The following FAM47A variants were observed in gnomAD, a reference collection of about 807,000 sequenced individuals.
FAM47A encodes protein FAM47A.
Under a neutral mutation model 2.6 loss-of-function variants are expected in FAM47A, and 1 was observed. That is an observed-to-expected ratio of 0.39 (90% confidence interval 0.14 to 1.83). The LOEUF is 1.83. Ranked by LOEUF, FAM47A falls within the 40% of genes most tolerant of loss-of-function variation. The pLI, the probability that FAM47A is intolerant of heterozygous loss-of-function variation, is 0.32. For missense variants in FAM47A, 657 were observed against 673.1 expected (o/e 0.98, Z 0.26); for synonymous variants, 278 against 270.1 (o/e 1.03, Z -0.29).
In FAM47A at chrX:34,132,270, G is replaced by T. The variant is rs1226888172; in HGVS notation, c.9C>A (p.Asp3Glu). The T allele has an allele frequency of 5.2e-6, 6 of 1,163,123 alleles. No individual in the cohort carries two copies. The highest frequency in any genetic ancestry group is 1.8e-5 in the African/African-American group (1 of 55,874). The change falls in exon 1 of 1, where the codon GAC (aspartate) becomes GAA (glutamate). Residue 3 changes from aspartate (D) to glutamate (E), a missense_variant. Around this residue, in one of 3 missense-constraint regions of FAM47A, gnomAD observed 436 missense variants for 414.1 expected, o/e 1.05. Transcript: ENST00000346193. MG[D>E]QRLQDWLRSP... is the part of the protein sequence containing the mutation. ...ACCTCAGCCAGTCCTGCAGCCTCTGGTCCCCCATGGTGGCCCTCGCTGTGG... is the reference window on the plus strand; with the variant it reads ...ACCTCAGCCAGTCCTGCAGCCTCTGTTCCCCCATGGTGGCCCTCGCTGTGG...
At position 34,131,124 on chromosome X, in the gene FAM47A, G is replaced by A. The variant is rs1922453145; in HGVS notation, c.1155C>T (p.Ser385=). ...LHAEPSKTGV[S]HLSPEPPKTE... The stretch of plus-strand genomic sequence containing the variant: ...TCTTGGGAGGCTCCGGGCTGAGATG[G>A]GACACTCCAGTCTTGGAAGGCTCCG... Residue 385 remains serine (S), a synonymous_variant, in exon 1 of 1, where the codon TCC becomes TCT. Coordinates refer to ENST00000346193, the MANE Select transcript of FAM47A (RefSeq NM_203408.4). The A allele has an allele frequency of 8.4e-7, 1 of 1,197,328 alleles. No individual in the cohort carries two copies. The highest frequency in any genetic ancestry group is 1.1e-6 in the Non-Finnish European group (1 of 888,823).
In FAM47A at chrX:34,130,968, C is replaced by G. The variant is rs369297677; in HGVS notation, c.1311G>C (p.Thr437=). The G allele has an allele frequency of 8.3e-7, 1 of 1,202,601 alleles. No individual in the cohort carries two copies. The highest frequency in any genetic ancestry group is 2.2e-5 in the Admixed American group (1 of 45,366). The change falls in exon 1 of 1, where the codon ACG becomes ACC. Residue 437 remains threonine (T), a synonymous_variant. Coordinates refer to ENST00000346193, the MANE Select transcript of FAM47A (RefSeq NM_203408.4). The part of the protein sequence containing the change: ...YILKVLDSGR[T]LKDVWDRCEA... ...CACAACGATCCCATACGTCCTTCAG[C>G]GTCCTCCCAGAATCCAGCACTTTCA... is the stretch of plus-strand genomic sequence containing the variant.
chrX:34,131,537 G>A lies in FAM47A; in HGVS notation c.742C>T (p.Arg248Cys), dbSNP rs1435553467. The A allele has an allele frequency of 2.5e-5, 30 of 1,206,724 alleles. No individual in the cohort carries two copies. Among genetic ancestry groups the A allele is most frequent in the Non-Finnish European group, 3.2e-5 (29 of 894,053 alleles). Residue 248 changes from arginine to cysteine, a missense_variant, in exon 1 of 1, where the codon CGC becomes TGC. Transcript: ENST00000346193. The stretch of plus-strand genomic sequence containing the variant: ...CGACGAGTGATGGGAGGCCCCGGGC[G>A]GATATGGGACACTCCAGTCTCTGGA... ...EPPETGVSHI[R>C]PGPPITRRRS...
chrX:34,129,845 G>A lies in FAM47A; in HGVS notation c.*58C>T, dbSNP rs1243191396. On this transcript the variant is annotated 3_prime_UTR_variant, in exon 1 of 1. Transcript: ENST00000346193. Reference sequence around the variant, plus strand: ...CACGGGGCCAGTCATCATAAATTATGATTGATGATTAAAATGAGAGCAAGA... The same window carrying A: ...CACGGGGCCAGTCATCATAAATTATAATTGATGATTAAAATGAGAGCAAGA... 47 of 1,058,619 alleles carry A rather than the reference G, an allele frequency of 4.4e-5. No homozygotes were observed. Among genetic ancestry groups the A allele is most frequent in the Non-Finnish European group, 5.8e-5 (46 of 793,641 alleles). The allele number at this position is 1,058,619 out of a possible 1,213,427, so 87.2% of individuals were successfully genotyped here. A position where few individuals can be genotyped will look rare whatever the true frequency, so the allele number is the denominator to read the frequency against.
rs756872549 is a variant in FAM47A, at chrX:34,131,814, A to G, written c.465T>C (p.Pro155=). The G allele has an allele frequency of 5.8e-6, 7 of 1,209,204 alleles. No homozygotes were observed. In the South Asian group the frequency reaches 8.8e-5, roughly 15 times the overall value. Residue 155 remains proline, a synonymous_variant, in exon 1 of 1, where the codon CCT becomes CCC. Coordinates refer to ENST00000346193, the MANE Select transcript of FAM47A (RefSeq NM_203408.4). ...LLLQVLKHLD[P]ERELEDAWAC... ...CCCAAGCGTCCTCCAGCTCCCTCTC[A>G]GGATCCAGGTGTTTCAGCACCTGTA... is the stretch of plus-strand genomic sequence containing the variant.
Position 34,130,110 on chromosome X carries a change from C to T in FAM47A, c.2169G>A (p.Lys723=), listed in dbSNP as rs1922404995. 9 of 1,210,544 alleles carry T rather than the reference C, an allele frequency of 7.4e-6. No homozygotes were observed. Among genetic ancestry groups the T allele is most frequent in the Non-Finnish European group, 1.0e-5 (9 of 895,045 alleles). ...PLIDPKLLLK[K]PDEPDVLDDL... The stretch of plus-strand genomic sequence containing the variant: ...CGTCAAGAACGTCAGGTTCATCAGG[C>T]TTTTTAAGTAAGAGCTTGGGGTCAA... Residue 723 remains lysine, a synonymous_variant, in exon 1 of 1, where the codon AAG becomes AAA. Transcript: ENST00000346193.
At position 34,130,799 on chromosome X, in the gene FAM47A, G is replaced by T. The variant is rs199697423; in HGVS notation, c.1480C>A (p.Gln494Lys). The change falls in exon 1 of 1, where the codon CAG becomes AAG. Residue 494 changes from glutamine to lysine, a missense_variant. Around this residue, in one of 3 missense-constraint regions of FAM47A, gnomAD observed 23 missense variants for 55.6 expected, o/e 0.41. Coordinates refer to ENST00000346193, the MANE Select transcript of FAM47A (RefSeq NM_203408.4). The part of the protein sequence containing the change: ...KTRRRSSLHS[Q>K]PPKTRRTSSL... ...GACGTCCGACGAGTCTTGGGAGGCT[G>T]CGAGTGGAGACTGGACCTCCGACGT... 1 of 1,180,184 alleles carries T rather than the reference G, an allele frequency of 8.5e-7. No individual in the cohort carries two copies. The highest frequency in any genetic ancestry group is 1.9e-5 in the African/African-American group (1 of 53,993).
rs765468759 is a variant in FAM47A, at chrX:34,131,283, A to G, written c.996T>C (p.Thr332=). 8.3e-7 allele frequency: 1 copy of G among 1,210,680 alleles called. No homozygotes were observed. The highest frequency in any genetic ancestry group is 1.1e-6 in the Non-Finnish European group (1 of 895,213). Reference sequence around the variant, plus strand: ...GCTCTAGGCGGAGATGGGACTCTCCAGTCTCCGGAGGCTCCGGGCGGAGAC... The same window carrying G: ...GCTCTAGGCGGAGATGGGACTCTCCGGTCTCCGGAGGCTCCGGGCGGAGAC... ...VSSLRPEPPE[T]GESHLRLEHS... The change falls in exon 1 of 1, where the codon ACT becomes ACC. Residue 332 remains threonine (T), a synonymous_variant. Transcript: ENST00000346193.
In FAM47A at chrX:34,130,230, C is replaced by T; in HGVS notation, c.2049G>A (p.Ser683=). The T allele has an allele frequency of 1.7e-6, 2 of 1,211,217 alleles. No homozygotes were observed. Among genetic ancestry groups the T allele is most frequent in the Non-Finnish European group, 2.2e-6 (2 of 895,275 alleles). ...KYWGRKFHTP[S]NSYTAQRVKM... ...TCACACGCTGTGCGGTATAAGAATT[C>T]GATGGCGTGTGGAATTTCCTGCCCC... Residue 683 remains serine, a synonymous_variant, in exon 1 of 1, where the codon TCG becomes TCA. Coordinates refer to ENST00000346193, the MANE Select transcript of FAM47A (RefSeq NM_203408.4).
rs767658475 is a variant in FAM47A at position 34,131,401 on chromosome X, G to A, written c.878C>T (p.Pro293Leu). The change falls in exon 1 of 1, where the codon CCT becomes CTT. Residue 293 changes from proline to leucine, a missense_variant. Around this residue, in one of 3 missense-constraint regions of FAM47A, gnomAD observed 436 missense variants for 414.1 expected, o/e 1.05. Transcript: ENST00000346193. ...GAATTTCCCACAAGGGTATTTACCA[G>A]GCTCTGTGGGTTCGTCAGTTGTCTT... ...REKTTDEPTE[P>L]GKYPCGKFCP... 3 of 1,207,126 alleles carry A rather than the reference G, an allele frequency of 2.5e-6. No individual in the cohort carries two copies. In the African/African-American group the frequency reaches 5.3e-5, roughly 21 times the overall value.
chrX:34,131,146 T>C lies in FAM47A; in HGVS notation c.1133A>G (p.Glu378Gly). The change falls in exon 1 of 1, where the codon GAG becomes GGG. Residue 378 changes from glutamate to glycine, a missense_variant. Transcript: ENST00000346193. Reference protein sequence around the residue: ...KTRRGSSLHAEPSKTGVSHLS... With the variant: ...KTRRGSSLHAGPSKTGVSHLS... ...ATGGGACACTCCAGTCTTGGAAGGC[T>C]CCGCGTGGAGACTGGACCCCCGACG... 1 of 1,195,799 alleles carries C rather than the reference T, an allele frequency of 8.4e-7. No homozygotes were observed. Among genetic ancestry groups the C allele is most frequent in the Non-Finnish European group, 1.1e-6 (1 of 887,809 alleles).
rs1459694459 is a variant in FAM47A at position 34,129,752 on chromosome X, G to A, written c.*151C>T. The A allele has an allele frequency of 2.3e-6, 1 of 427,368 alleles. No individual in the cohort carries two copies. The highest frequency in any genetic ancestry group is 3.9e-6 in the Non-Finnish European group (1 of 255,344). 35.2% of individuals were successfully genotyped at this position (427,368 alleles called of 1,213,427 possible). A position where few individuals can be genotyped will look rare whatever the true frequency, so the allele number is the denominator to read the frequency against. ...AAATATATGAAATAATGAAGCCAAA[G>A]CAGTTCATTAAGAAATATTGATAAA... On this transcript the variant is annotated 3_prime_UTR_variant, in exon 1 of 1. Coordinates refer to ENST00000346193, the MANE Select transcript of FAM47A (RefSeq NM_203408.4).
At position 34,131,424 on chromosome X, in the gene FAM47A, C is replaced by T. The variant is rs778710031; in HGVS notation, c.855G>A (p.Lys285=). The T allele has an allele frequency of 2.5e-6, 3 of 1,210,157 alleles. No individual in the cohort carries two copies. In the African/African-American group the frequency reaches 5.2e-5, roughly 21 times the overall value. The change falls in exon 1 of 1, where the codon AAG becomes AAA. Residue 285 remains lysine, a synonymous_variant. Coordinates refer to ENST00000346193, the MANE Select transcript of FAM47A (RefSeq NM_203408.4). ...DARAPCEGRE[K]TTDEPTEPGK... ...CAGGCTCTGTGGGTTCGTCAGTTGTCTTCTCCCGGCCCTCACAAGGAGCCC... is the reference window on the plus strand; with the variant it reads ...CAGGCTCTGTGGGTTCGTCAGTTGTTTTCTCCCGGCCCTCACAAGGAGCCC...
In FAM47A at chrX:34,132,182, A is replaced by G. The variant is rs756449989; in HGVS notation, c.97T>C (p.Cys33Arg). 11 of 1,210,301 alleles carry G rather than the reference A, an allele frequency of 9.1e-6. No homozygotes were observed. Among genetic ancestry groups the G allele is most frequent in the South Asian group, 5.3e-5 (3 of 56,843 alleles). Reference sequence around the variant, plus strand: ...GGGAACCTCAGGCGCCTGTGCTTGCACTTCGCGAAGCACTTGGAAGGCCGT... The same window carrying G: ...GGGAACCTCAGGCGCCTGTGCTTGCGCTTCGCGAAGCACTTGGAAGGCCGT... ...NKRPSKCFAK[C>R]KHRRLRFPPM... The change falls in exon 1 of 1, where the codon TGC becomes CGC. Residue 33 changes from cysteine (C) to arginine (R), a missense_variant. Around this residue, in one of 3 missense-constraint regions of FAM47A, gnomAD observed 436 missense variants for 414.1 expected, o/e 1.05. Transcript: ENST00000346193.
In FAM47A at chrX:34,131,390, G is replaced by T. The variant is rs1312815547; in HGVS notation, c.889C>A (p.Pro297Thr). 3 of 1,206,105 alleles carry T rather than the reference G, an allele frequency of 2.5e-6. No individual in the cohort carries two copies. The highest frequency in any genetic ancestry group is 3.4e-6 in the Non-Finnish European group (3 of 893,929). Residue 297 changes from proline to threonine, a missense_variant, in exon 1 of 1, where the codon CCT (proline) becomes ACT (threonine). By Grantham distance (38) the Pro-to-Thr change is conservative. Around this residue, in one of 3 missense-constraint regions of FAM47A, gnomAD observed 436 missense variants for 414.1 expected, o/e 1.05. Coordinates refer to ENST00000346193, the MANE Select transcript of FAM47A (RefSeq NM_203408.4). ...GGCCGAGGACAGAATTTCCCACAAGGGTATTTACCAGGCTCTGTGGGTTCG... is the reference window on the plus strand; with the variant it reads ...GGCCGAGGACAGAATTTCCCACAAGTGTATTTACCAGGCTCTGTGGGTTCG... ...TDEPTEPGKY[P>T]CGKFCPRPFE...
chrX:34,131,326 G>A lies in FAM47A; in HGVS notation c.953C>T (p.Pro318Leu), dbSNP rs377393974. The A allele has an allele frequency of 2.4e-4, 294 of 1,208,338 alleles. No homozygotes were observed. The highest frequency in any genetic ancestry group is 1.8e-5 in the Non-Finnish European group (16 of 894,641). ...GCGGAGACTGGACACCGGAGTCTTG[G>A]GAGGCTCCTGGCGGAGATGGGACAG... ...TPLSHLRQEP[P>L]KTPVSSLRPE... The change falls in exon 1 of 1, where the codon CCC becomes CTC. Residue 318 changes from proline (P) to leucine (L), a missense_variant. By Grantham distance (98) the Pro-to-Leu change is moderately conservative (BLOSUM62 -3). Transcript: ENST00000346193.
At position 34,131,201 on chromosome X, in the gene FAM47A, A is replaced by G. The variant is rs1370683088; in HGVS notation, c.1078T>C (p.Ser360Pro). ...TTGGGAGGCGCTAGGCGGAGACGGG[A>G]CACTCCAGTCTCGGAAGGCTCCGAG... ...LRSEPSETGVSRLRLAPPKTR... is the reference protein window; with the variant it reads ...LRSEPSETGVPRLRLAPPKTR... Residue 360 changes from serine (S) to proline (P), a missense_variant, in exon 1 of 1, where the codon TCC becomes CCC. Around this residue, in one of 3 missense-constraint regions of FAM47A, gnomAD observed 436 missense variants for 414.1 expected, o/e 1.05. Coordinates refer to ENST00000346193, the MANE Select transcript of FAM47A (RefSeq NM_203408.4). 1 of 1,206,335 alleles carries G rather than the reference A, an allele frequency of 8.3e-7. No homozygotes were observed. Among genetic ancestry groups the G allele is most frequent in the Non-Finnish European group, 1.1e-6 (1 of 893,561 alleles).
chrX:34,131,152 T>G lies in FAM47A; in HGVS notation c.1127A>C (p.His376Pro). ...PPKTRRGSSL[H>P]AEPSKTGVSH... ...CACTCCAGTCTTGGAAGGCTCCGCG[T>G]GGAGACTGGACCCCCGACGAGTCTT... is the stretch of plus-strand genomic sequence containing the variant. The change falls in exon 1 of 1, where the codon CAC (histidine) becomes CCC (proline). Residue 376 changes from histidine (H) to proline (P), a missense_variant. This residue lies in a region of FAM47A where 436 missense variants were observed against 414.1 expected (regional missense o/e 1.05). Coordinates refer to ENST00000346193, the MANE Select transcript of FAM47A (RefSeq NM_203408.4). 7.7e-6 allele frequency: 9 copies of G among 1,164,903 alleles called. No individual in the cohort carries two copies. The highest frequency in any genetic ancestry group is 5.9e-5 in the African/African-American group (3 of 51,107).
In FAM47A at chrX:34,131,834, C is replaced by A. The variant is rs747328997; in HGVS notation, c.445G>T (p.Val149Leu). Reference sequence around the variant, plus strand: ...CTCTCAGGATCCAGGTGTTTCAGCACCTGTAGTAGGAGATCTGGAGGCATA... The same window carrying A: ...CTCTCAGGATCCAGGTGTTTCAGCAACTGTAGTAGGAGATCTGGAGGCATA... ...EDMPPDLLLQ[V>L]LKHLDPEREL... is the part of the protein sequence containing the mutation. Residue 149 changes from valine (V) to leucine (L), a missense_variant, in exon 1 of 1, where the codon GTG becomes TTG. Physicochemically the swap from Val to Leu is conservative, Grantham distance 32. Around this residue, in one of 3 missense-constraint regions of FAM47A, gnomAD observed 436 missense variants for 414.1 expected, o/e 1.05. Coordinates refer to ENST00000346193, the MANE Select transcript of FAM47A (RefSeq NM_203408.4). 9.9e-6 allele frequency: 12 copies of A among 1,211,093 alleles called. No individual in the cohort carries two copies. The highest frequency in any genetic ancestry group is 1.3e-5 in the Non-Finnish European group (12 of 895,275).
Sources: allele counts gnomAD v4.1 joint callset, GRCh38; gene constraint gnomAD v4.1.1; regional missense constraint gnomAD v4.1.1; transcripts MANE v1.5; gene names NCBI Gene and HGNC (gene_info 2026-07-23, HGNC 2026-07-21).